The following TCF4 variants were observed in gnomAD, a reference collection of about 807,000 sequenced individuals.
TCF4 encodes the protein transcription factor 4.
Under a neutral mutation model 82.1 loss-of-function variants are expected in TCF4, and 3 were observed. The observed-to-expected ratio is 0.04, with a 90% CI of 0.02 to 0.09. The LOEUF (loss-of-function observed/expected upper bound fraction) is 0.09, where lower values mean the gene tolerates loss of function less well. Among genes scored for constraint, TCF4 ranks in the 10% least tolerant of loss-of-function variants. TCF4 has a pLI of 1.00. For missense variants in TCF4, 518 were observed against 852.7 expected (o/e 0.61, Z 4.89); for synonymous variants, 276 against 309.6 (o/e 0.89, Z 1.14).
chr18:55,227,248 CA>C lies in TCF4; in HGVS notation c.*786del, dbSNP rs375140529. ...CCAGGGAAAGGGACAGAAATAAGACCAAAAAAAAAAAAATCCATATTTACAG... is the reference window on the plus strand; with the variant it reads ...CCAGGGAAAGGGACAGAAATAAGACCAAAAAAAAAAAATCCATATTTACAG... On this transcript the variant is annotated 3_prime_UTR_variant, in exon 20 of 20. Transcript: ENST00000354452. The C allele has an allele frequency of 2.2e-3, 284 of 127,386 alleles. No homozygotes were observed. Among genetic ancestry groups the C allele is most frequent in the Middle Eastern group, 4.4e-3 (1 of 226 alleles). 7.9% of individuals were successfully genotyped at this position (127,386 alleles called of 1,614,324 possible).
In TCF4 at chr18:55,319,532, T is replaced by C. The variant is rs934932363; in HGVS notation, c.549+30827A>G. The stretch of plus-strand genomic sequence containing the variant: ...CAAATGGCTATTTTTTTTCTAACTA[T>C]AATGTGTGTACAATTTGCCTCTTTC... On this transcript the variant is annotated intron_variant, in intron 8 of 19. Transcript: ENST00000354452. Among the ~76,000 whole-genome samples, 5 of 152,316 alleles carry C rather than the reference T, an allele frequency of 3.3e-5. No homozygotes were observed. In the East Asian group the frequency reaches 9.6e-4, roughly 29 times the overall value.
At chr18:55,310,752 C>T (rs2072104672) in intron 8 of TCF4, among the ~76,000 whole-genome samples, 1 of 152,128 alleles carries the variant, frequency 6.6e-6, no homozygotes, top group Admixed American at 6.5e-5. Context: ...ATGATGTAAA[C>T]AATGTCCGTA....
At chr18:55,382,089 G>C (rs1332569201) in intron 6 of TCF4, among the ~76,000 whole-genome samples, 3 of 152,070 alleles carry the variant, frequency 2.0e-5, no homozygotes, top group African/African-American at 7.2e-5. Context: ...AGAAAAATTT[G>C]ATAAAAGCTC....
At chr18:55,612,297 TGA>T (rs778511226) in intron 2 of TCF4, among the ~76,000 whole-genome samples, 4 of 151,952 alleles carry the variant, frequency 2.6e-5, no homozygotes, top group Non-Finnish European at 5.9e-5. Flanking sequence ...CTTCGGGATA[TGA>T]GGGGGGAGAG....
chr18:55,378,940 T>C (rs1475737398), intron 6 of TCF4, among the ~76,000 whole-genome samples: 1 of 152,200 alleles, frequency 6.6e-6, no homozygotes, highest in Non-Finnish European at 1.5e-5. Context: ...ACAAAAGTTG[T>C]TTGAACAAAG....
intron 6 of TCF4, among the ~76,000 whole-genome samples, chr18:55,372,810 A>G (rs1912851720): frequency 6.6e-6 from 1 of 152,154 alleles, no homozygotes; most frequent in South Asian, 2.1e-4. Flanking sequence ...CAAAGGGAGA[A>G]ACTCAGTAAT....
intron 8 of TCF4, 96 bp from the exon 9 acceptor site, chr18:55,279,752 TTC>T: frequency 6.4e-7 from 1 of 1,563,638 alleles, no homozygotes; most frequent in Non-Finnish European, 8.7e-7. Flanking sequence ...AGTGCTACAT[TTC>T]TACCCTTTCC....
intron 8 of TCF4, among the ~76,000 whole-genome samples, chr18:55,325,106 C>T (rs7243471): frequency 0.057 from 8,644 of 152,096 alleles, 833 homozygotes; most frequent in African/African-American, 0.2. Flanking sequence ...AAAAACTTGC[C>T]GAATGAATGA....
intron 3 of TCF4, among the ~76,000 whole-genome samples, chr18:55,491,674 T>C (rs2096578653): frequency 6.6e-6 from 1 of 152,206 alleles, no homozygotes; most frequent in Admixed American, 6.5e-5. Flanking sequence ...CTAATCAGGC[T>C]CTTGCTCCTG....
At chr18:55,504,608 T>C (rs764586671) in intron 3 of TCF4, among the ~76,000 whole-genome samples, 22 of 152,336 alleles carry the variant, frequency 1.4e-4, no homozygotes, top group Non-Finnish European at 2.6e-4. Context: ...GGCAAATCAC[T>C]GTATTGCCGA....
chr18:55,309,950 T>TA (rs767190641), intron 8 of TCF4, among the ~76,000 whole-genome samples: 1 of 152,076 alleles, frequency 6.6e-6, no homozygotes, highest in Non-Finnish European at 1.5e-5. Flanking sequence ...AATATTCAAA[T>TA]AAAAAAATTA....
chr18:55,346,940 A>G (rs1184168995), intron 8 of TCF4, among the ~76,000 whole-genome samples: 1 of 152,134 alleles, frequency 6.6e-6, no homozygotes, highest in African/African-American at 2.4e-5. Context: ...TCCAACTTTA[A>G]TTTACTATAG....
intron 6 of TCF4, among the ~76,000 whole-genome samples, chr18:55,375,370 A>G (rs2090475609): frequency 6.6e-6 from 1 of 152,154 alleles, no homozygotes; most frequent in Non-Finnish European, 1.5e-5. Flanking sequence ...GAACACACAC[A>G]TTCATTTTAA....
chr18:55,258,796 T>C (rs1323441382), intron 13 of TCF4, among the ~76,000 whole-genome samples: 1 of 152,194 alleles, frequency 6.6e-6, no homozygotes, highest in Non-Finnish European at 1.5e-5. Context: ...GAAATCATTT[T>C]TCAGAGTGTA....
intron 3 of TCF4, among the ~76,000 whole-genome samples, chr18:55,488,181 C>T (rs904589455): frequency 6.6e-6 from 1 of 152,132 alleles, no homozygotes; most frequent in African/African-American, 2.4e-5. Context: ...TCCTTACTCC[C>T]TGGGTTTTCA....
At position 55,598,438 on chromosome 18, in the gene TCF4, G is replaced by A. The variant is rs543158541; in HGVS notation, c.287-11302C>T. 1.7e-4 allele frequency among the ~76,000 whole-genome samples: 26 copies of A among 152,182 alleles called. No homozygotes were observed. In the South Asian group the frequency reaches 3.5e-3, roughly 21 times the overall value. ...GTTCTGGGATACATGCACAGAACGC[G>A]CAGGTTTGTTACATAGGTATACATG... On this transcript the variant is annotated intron_variant, in intron 2 of 20. Coordinates refer to the TCF4 transcript ENST00000398339.
intron 8 of TCF4, among the ~76,000 whole-genome samples, chr18:55,338,673 G>C (rs1337207276): frequency 6.6e-6 from 1 of 152,048 alleles, no homozygotes; most frequent in Admixed American, 6.5e-5. Context: ...TTGATTCTTA[G>C]GGAGGAAGAT....
At chr18:55,276,610 G>A (rs755878984) in intron 9 of TCF4, among the ~76,000 whole-genome samples, 2 of 152,086 alleles carry the variant, frequency 1.3e-5, no homozygotes, top group African/African-American at 2.4e-5. Context: ...TTTAGGTTTG[G>A]TTTCCCAAGC....
At position 55,558,724 on chromosome 18, in the gene TCF4, G is replaced by A. The variant is rs185369541; in HGVS notation, c.145+26556C>T. On this transcript the variant is annotated intron_variant, in intron 3 of 19. Transcript: ENST00000354452. Reference sequence around the variant, plus strand: ...GCAGATTCTGTTAGTTATTGTTATCGTTTTTAGGTATGGTTTCCATGGGGC... The same window carrying A: ...GCAGATTCTGTTAGTTATTGTTATCATTTTTAGGTATGGTTTCCATGGGGC... Among the ~76,000 whole-genome samples, 3 of 152,160 alleles carry A rather than the reference G, an allele frequency of 2.0e-5. No individual in the cohort carries two copies. In the East Asian group the frequency reaches 5.8e-4, roughly 29 times the overall value.
Sources: gnomAD v4.1 joint callset for allele counts (sites outside exome capture counted in the v4.1 genomes callset) on GRCh38, gnomAD v4.1.1 for gene constraint, MANE v1.5 for transcripts, NCBI Gene and HGNC (gene_info 2026-07-23, HGNC 2026-07-21) for gene names.